The following RBM6 variants were observed in gnomAD, a reference collection of about 807,000 sequenced individuals.
RBM6 encodes RNA binding motif protein 6, also known as RNA-binding protein 6.
Under a neutral mutation model 140.4 loss-of-function variants are expected in RBM6, and 23 were observed. The ratio of observed to expected loss-of-function variants is 0.16; its 90% CI spans 0.12 to 0.23. The LOEUF is 0.23. Among genes scored for constraint, RBM6 ranks in the 10% least tolerant of loss-of-function variants. The probability of loss-of-function intolerance (pLI) is 1.00; values close to 1 mark genes in which losing one functional copy is unlikely to be tolerated. For missense variants in RBM6, 1,139 were observed against 1,386.7 expected (o/e 0.82, Z 2.84); for synonymous variants, 439 against 475.6 (o/e 0.92, Z 1.00).
intron 1 of RBM6, among the ~76,000 whole-genome samples, chr3:49,947,465 T>C (rs1559511866): frequency 6.6e-6 from 1 of 152,094 alleles, no homozygotes; most frequent in Non-Finnish European, 1.5e-5. Flanking sequence ...TCTGTGTTGT[T>C]GAGTTTTAGG....
chr3:50,028,259 G>A (rs560685290), intron 6 of RBM6, among the ~76,000 whole-genome samples: 117 of 152,224 alleles, frequency 7.7e-4, no homozygotes, highest in Non-Finnish European at 1.2e-3. Flanking sequence ...GTTTCTGCCT[G>A]TGTGTCTGTT....
intron 6 of RBM6, among the ~76,000 whole-genome samples, chr3:50,016,317 T>G (rs1229880718): frequency 6.6e-6 from 1 of 152,226 alleles, no homozygotes; most frequent in Non-Finnish European, 1.5e-5. Context: ...TGTGCTTACA[T>G]ACCACATTTT....
chr3:50,024,037 C>T (rs2087659223), intron 6 of RBM6, among the ~76,000 whole-genome samples: 1 of 152,180 alleles, frequency 6.6e-6, no homozygotes, highest in Non-Finnish European at 1.5e-5. Context: ...CCAAAGGGTA[C>T]TTGTGGCTTA....
At chr3:49,965,783 A>C (rs1288993286) in intron 2 of RBM6, among the ~76,000 whole-genome samples, 2 of 152,016 alleles carry the variant, frequency 1.3e-5, no homozygotes, top group Non-Finnish European at 1.5e-5. Context: ...AATCCATTAA[A>C]TGTACATCAT....
At chr3:50,049,849 C>CTT (rs772819564) in intron 7 of RBM6, among the ~76,000 whole-genome samples, 5 of 136,606 alleles carry the variant, frequency 3.7e-5, no homozygotes, top group African/African-American at 8.1e-5. Context: ...CCTAGAACTT[C>CTT]TTTTTTTTTT....
chr3:49,986,744 CT>C (rs201810254), intron 5 of RBM6, among the ~76,000 whole-genome samples: 1,688 of 151,392 alleles, frequency 0.011, 22 homozygotes, highest in Non-Finnish European at 0.018. Flanking sequence ...CTTCTCTCTT[CT>C]TCCCTCCCTT....
chr3:50,072,262 T>C (rs1423780212), intron 19 of RBM6, among the ~76,000 whole-genome samples: 3 of 148,450 alleles, frequency 2.0e-5, no homozygotes, highest in Non-Finnish European at 4.5e-5. Context: ...ATAAAAAAAT[T>C]AGCCAGGCGT....
intron 15 of RBM6, among the ~76,000 whole-genome samples, chr3:50,063,200 A>G (rs2090005223): frequency 6.6e-6 from 1 of 152,000 alleles, no homozygotes; most frequent in Admixed American, 6.6e-5. Flanking sequence ...CCTCTTTCTA[A>G]TCTTATACTG....
intron 1 of RBM6, among the ~76,000 whole-genome samples, chr3:49,948,568 G>A (rs941157730): frequency 3.3e-5 from 5 of 151,812 alleles, no homozygotes; most frequent in African/African-American, 1.2e-4. Context: ...CAAAAAATTA[G>A]CTGGGTGTGG....
At chr3:50,018,379 C>T (rs1436062768) in intron 6 of RBM6, among the ~76,000 whole-genome samples, 2 of 152,086 alleles carry the variant, frequency 1.3e-5, no homozygotes, top group Admixed American at 1.3e-4. Flanking sequence ...TTCTTTTTAG[C>T]ACTGAATAAT....
intron 6 of RBM6, among the ~76,000 whole-genome samples, chr3:50,031,131 G>A (rs1313454091): frequency 6.6e-6 from 1 of 152,198 alleles, no homozygotes; most frequent in Non-Finnish European, 1.5e-5. Context: ...TACACTGTTG[G>A]TGGGACTGTA....
At chr3:49,986,153 A>G (rs2085544379) in intron 5 of RBM6, among the ~76,000 whole-genome samples, 1 of 150,804 alleles carries the variant, frequency 6.6e-6, no homozygotes, top group Non-Finnish European at 1.5e-5. Context: ...AGCCTAAGTA[A>G]TTTTTGTATT....
At chr3:50,065,303 C>A (rs2090086091) in intron 16 of RBM6, among the ~76,000 whole-genome samples, 177 bp downstream of exon 16, 1 of 152,218 alleles carries the variant, frequency 6.6e-6, no homozygotes, top group Non-Finnish European at 1.5e-5. Context: ...TTTCTGTCTG[C>A]TAATGGGGGT....
At chr3:50,064,582 G>A (rs891085978) in intron 15 of RBM6, among the ~76,000 whole-genome samples, 1 of 152,020 alleles carries the variant, frequency 6.6e-6, no homozygotes, top group Non-Finnish European at 1.5e-5. Flanking sequence ...CACGATCTCG[G>A]CTCACTGCAA....
intron 3 of RBM6, 85 bp from the exon 4 acceptor site, chr3:49,971,974 G>T: frequency 3.0e-6 from 3 of 984,696 alleles, no homozygotes; most frequent in Non-Finnish European, 4.7e-6. Flanking sequence ...TATCATTTTT[G>T]ATCCTGAGTG....
intron 5 of RBM6, among the ~76,000 whole-genome samples, chr3:49,993,340 T>G (rs1287547888): frequency 6.6e-6 from 1 of 152,160 alleles, no homozygotes; most frequent in Admixed American, 6.6e-5. Flanking sequence ...ATAAGATAGA[T>G]CCACGTGTAG....
rs771478122 is a variant in RBM6 at position 50,054,405 on chromosome 3, G to T, written c.1693+10G>T. On this transcript the variant is annotated intron_variant, in intron 8 of 20. Coordinates refer to ENST00000266022, the MANE Select transcript of RBM6 (RefSeq NM_005777.3). ...AAGAACCCAAGAGAAGGTGAGTGGCGAAAGTGGTAGCAGTTTTTATCTCGT... is the reference window on the plus strand; with the variant it reads ...AAGAACCCAAGAGAAGGTGAGTGGCTAAAGTGGTAGCAGTTTTTATCTCGT... 6.2e-7 allele frequency: 1 copy of T among 1,604,566 alleles called. No homozygotes were observed. The highest frequency in any genetic ancestry group is 8.5e-7 in the Non-Finnish European group (1 of 1,171,350).
At chr3:49,943,692 C>T (rs915586994) in intron 1 of RBM6, among the ~76,000 whole-genome samples, 2 of 152,008 alleles carry the variant, frequency 1.3e-5, no homozygotes, top group Non-Finnish European at 2.9e-5. Context: ...GGCCTCAAGC[C>T]ATTTTCCCTC....
At chr3:50,030,379 G>A (rs1158124672) in intron 6 of RBM6, among the ~76,000 whole-genome samples, 1 of 151,632 alleles carries the variant, frequency 6.6e-6, no homozygotes, top group Non-Finnish European at 1.5e-5. Context: ...AGAATAATTG[G>A]TTGGATACAT....
Sources: allele counts gnomAD v4.1 joint callset (sites outside exome capture counted in the v4.1 genomes callset), GRCh38; gene constraint gnomAD v4.1.1; transcripts MANE v1.5; gene names NCBI Gene and HGNC (gene_info 2026-07-23, HGNC 2026-07-21).